Variants in TPSG1 observed in about 807,000 individuals in gnomAD.
TPSG1 encodes the protein tryptase gamma 1.
TPSG1 carries 43 observed loss-of-function variants against 23.8 expected under a neutral mutation model. The observed-to-expected ratio is 1.81, with a 90% CI of 1.42 to 2.33. The LOEUF (loss-of-function observed/expected upper bound fraction) is 2.33. Among genes scored for constraint, TPSG1 ranks in the 30% most tolerant of loss-of-function variants. TPSG1 has a pLI of 0.00. For synonymous variants in TPSG1, 302 were observed against 201.3 expected, an observed-to-expected ratio of 1.50 and a Z score of -4.23; for missense variants, 623 against 438.6, an observed-to-expected ratio of 1.42 and a Z score of -3.75.
chr16:1,223,996 A>T, intron 2 of TPSG1: 1 of 232,666 alleles, frequency 4.3e-6, no homozygotes, highest in Non-Finnish European at 8.2e-6. Flanking sequence ...GCTGGATAAA[A>T]TTCGGGGGGC....
intron 2 of TPSG1, 66 bp from the exon 3 acceptor site, chr16:1,223,660 A>G: frequency 6.7e-7 from 1 of 1,500,840 alleles, no homozygotes; most frequent in Non-Finnish European, 8.8e-7. Flanking sequence ...TCCTCCATGA[A>G]GCCTTCCCTG....
intron 1 of TPSG1, chr16:1,224,877 C>A: frequency 1.7e-6 from 1 of 602,394 alleles, no homozygotes; most frequent in Non-Finnish European, 3.0e-6. Flanking sequence ...CCTCCCCGCC[C>A]TCCAGGTCCT....
In TPSG1 at chr16:1,222,185, G is replaced by A. The variant is rs540570539; in HGVS notation, c.657+11C>T. The A allele has an allele frequency of 4.3e-6, 7 of 1,611,254 alleles. No homozygotes were observed. The South Asian group carries it at 7.7e-5, about 18-fold the overall frequency. ...CCGCCCCCATCCTCTGTCACGGCCT[G>A]GCAGGCTCACCTGGCAGGCATCCCC... On this transcript the variant is annotated intron_variant, in intron 5 of 5. Transcript: ENST00000234798.
At chr16:1,223,228 A>G (rs1206465984) in intron 3 of TPSG1, among the ~76,000 whole-genome samples, 195 bp downstream of exon 3, 4 of 152,238 alleles carry the variant, frequency 2.6e-5, no homozygotes, top group Non-Finnish European at 5.9e-5. Flanking sequence ...GGAGCTGTCC[A>G]TCCCTAGAGG....
Position 1,223,614 on chromosome 16 carries a change from G to A in TPSG1, c.74-20C>T. ...CACACCCTAAGTCGAAGGAGGAAGG[G>A]GTGCCTGGTGGGGATCCCAAGAAAC... is the stretch of plus-strand genomic sequence containing the variant. On this transcript the variant is annotated intron_variant, in intron 2 of 5. Coordinates refer to ENST00000234798, the MANE Select transcript of TPSG1 (RefSeq NM_012467.4). 1 of 1,529,120 alleles carries A rather than the reference G, an allele frequency of 6.5e-7. No homozygotes were observed. The highest frequency in any genetic ancestry group is 8.7e-7 in the Non-Finnish European group (1 of 1,142,994). 94.7% of individuals were successfully genotyped at this position (1,529,120 alleles called of 1,614,324 possible).
intron 2 of TPSG1, chr16:1,223,908 C>G: frequency 2.4e-6 from 1 of 417,590 alleles, no homozygotes; most frequent in Non-Finnish European, 4.2e-6. Flanking sequence ...CGGTGGAGCC[C>G]CCGAGAAGGC....
intron 2 of TPSG1, chr16:1,224,118 G>T (rs1015685283): frequency 2.1e-5 from 4 of 192,422 alleles, no homozygotes; most frequent in African/African-American, 9.5e-5. Flanking sequence ...AAATTAAGAG[G>T]AAGTCAGCTG....
chr16:1,222,607 G>C, intron 4 of TPSG1, 45 bp downstream of exon 4: 1 of 1,517,130 alleles, frequency 6.6e-7, no homozygotes, highest in Non-Finnish European at 8.8e-7. Flanking sequence ...TCTTCCTGCC[G>C]CCCTTGCCTT....
chr16:1,224,827 G>T (rs1164698061), intron 1 of TPSG1, 199 bp from the exon 2 acceptor site: 2 of 648,658 alleles, frequency 3.1e-6, no homozygotes, highest in African/African-American at 3.7e-5. Context: ...GGCCATAAAC[G>T]GCAGCTGGAG....
intron 3 of TPSG1, 131 bp downstream of exon 3, chr16:1,223,292 C>A: frequency 8.1e-7 from 1 of 1,228,692 alleles, no homozygotes; most frequent in Non-Finnish European, 1.1e-6. Flanking sequence ...TCCTCCCTTT[C>A]CATTGGAAGG....
chr16:1,225,031 C>T (rs1055447841), intron 1 of TPSG1, among the ~76,000 whole-genome samples, 176 bp downstream of exon 1: 4 of 152,148 alleles, frequency 2.6e-5, no homozygotes, highest in East Asian at 1.9e-4. Flanking sequence ...CTCCCCAGCA[C>T]GGACAGCTGG....
intron 4 of TPSG1, 70 bp downstream of exon 4, chr16:1,222,582 C>G (rs1970548308): frequency 6.6e-7 from 1 of 1,505,352 alleles, no homozygotes; most frequent in East Asian, 2.3e-5. Context: ...GCATCAGCAT[C>G]CCTCAAGCCA....
chr16:1,222,831 A>G lies in TPSG1; in HGVS notation c.332T>C (p.Ile111Thr), dbSNP rs1213394757. The change falls in exon 4 of 6, where the codon ATC becomes ACC. Residue 111 changes from isoleucine (I) to threonine (T), a missense_variant. Ile to Thr is a moderately conservative substitution (Grantham distance 89, BLOSUM62 -1). Transcript: ENST00000234798. Reference sequence around the variant, plus strand: ...CTGTCCTGAGGGGCTGGAGTGCAGGATGATCTGCCTCACGGTGGAGAAGTG... The same window carrying G: ...CTGTCCTGAGGGGCTGGAGTGCAGGGTGATCTGCCTCACGGTGGAGAAGTG... Reference protein sequence around the residue: ...SPHFSTVRQIILHSSPSGQPG... With the variant: ...SPHFSTVRQITLHSSPSGQPG... 2 of 1,611,800 alleles carry G rather than the reference A, an allele frequency of 1.2e-6. No homozygotes were observed. The highest frequency in any genetic ancestry group is 1.7e-6 in the Non-Finnish European group (2 of 1,179,652).
In TPSG1 at chr16:1,222,303, CT is replaced by C. The variant is rs1293364651; in HGVS notation, c.549del (p.Val184SerfsTer47). The C allele has an allele frequency of 9.3e-6, 15 of 1,610,272 alleles. No individual in the cohort carries two copies. The highest frequency in any genetic ancestry group is 1.7e-5 in the Admixed American group (1 of 59,890). On this transcript the variant is annotated frameshift_variant, in exon 5 of 6. Transcript: ENST00000234798. LOFTEE classifies it high-confidence loss of function. ...LPPPYSLREVKVSVVDTETCR... is the reference protein window; with the variant it reads ...LPPPYSLREVXVSVVDTETCR... ...CAGGTCTCTGTGTCCACCACGGAGA[CT>C]TTCACCTCCCGCAGGCTGTACGGGG...
rs141482232 is a variant in TPSG1, at chr16:1,222,875, C to G, written c.288G>C (p.Leu96=). 5.6e-6 allele frequency: 9 copies of G among 1,609,084 alleles called. No homozygotes were observed. The highest frequency in any genetic ancestry group is 7.6e-6 in the Non-Finnish European group (9 of 1,178,590). The change falls in exon 4 of 6, where the codon CTG becomes CTC. Residue 96 remains leucine (L), a synonymous_variant. Transcript: ENST00000234798. ...SSDYQVHLGE[L]EITLSPHFST... is the part of the protein sequence containing the mutation. Reference sequence around the variant, plus strand: ...AGAAGTGGGGAGACAGAGTGATCTCCAGTTCCCCCAGGTGCACCTGGTAGT... The same window carrying G: ...AGAAGTGGGGAGACAGAGTGATCTCGAGTTCCCCCAGGTGCACCTGGTAGT...
Position 1,221,872 on chromosome 16 carries a change from G to C in TPSG1, c.882C>G (p.Phe294Leu). The change falls in exon 6 of 6, where the codon TTC (phenylalanine) becomes TTG (leucine). Residue 294 changes from phenylalanine to leucine, a missense_variant. Physicochemically the swap from Phe to Leu is conservative, Grantham distance 22. Transcript: ENST00000234798. ...GCAGGACACAGGAGACTAGCAGAAG[G>C]AAGAGGCCGGGGAGGAAGAAGCCAG... ...LLAGFFLPGLFLLLVSCVLLA... is the reference protein window; with the variant it reads ...LLAGFFLPGLLLLLVSCVLLA... 6.2e-7 allele frequency: 1 copy of C among 1,612,042 alleles called. No individual in the cohort carries two copies. Among genetic ancestry groups the C allele is most frequent in the Non-Finnish European group, 8.5e-7 (1 of 1,179,584 alleles).
At chr16:1,223,623 T>G in intron 2 of TPSG1, 29 bp from the exon 3 acceptor site, 9 of 1,527,208 alleles carry the variant, frequency 5.9e-6, no homozygotes, top group Non-Finnish European at 7.9e-6. Flanking sequence ...GGGTGCCTGG[T>G]GGGGATCCCA....
In TPSG1 at chr16:1,221,863, T is replaced by C; in HGVS notation, c.891A>G (p.Leu297=). 6.2e-7 allele frequency: 1 copy of C among 1,611,954 alleles called. No individual in the cohort carries two copies. The highest frequency in any genetic ancestry group is 8.5e-7 in the Non-Finnish European group (1 of 1,179,520). ...ACTTGGCCAGCAGGACACAGGAGAC[T>C]AGCAGAAGGAAGAGGCCGGGGAGGA... The part of the protein sequence containing the change: ...GFFLPGLFLL[L]VSCVLLAKCL... Residue 297 remains leucine, a synonymous_variant, in exon 6 of 6, where the codon CTA becomes CTG. Coordinates refer to ENST00000234798, the MANE Select transcript of TPSG1 (RefSeq NM_012467.4).
At position 1,223,707 on chromosome 16, in the gene TPSG1, C is replaced by A. The variant is rs1183894102; in HGVS notation, c.74-113G>T. 3.1e-6 allele frequency: 4 copies of A among 1,289,318 alleles called. No homozygotes were observed. In the Middle Eastern group the frequency reaches 5.7e-4, roughly 184 times the overall value. The allele number at this position is 1,289,318 out of a possible 1,614,324, so 79.9% of individuals were successfully genotyped here. ...CTGCCTTCTTGGGGACTTTGCTCTT[C>A]AGCTCTCTCGTCTGCCAGACTCTCC... On this transcript the variant is annotated intron_variant, in intron 2 of 5. Coordinates refer to ENST00000234798, the MANE Select transcript of TPSG1 (RefSeq NM_012467.4).
Sources: gnomAD v4.1 joint callset for allele counts (sites outside exome capture counted in the v4.1 genomes callset) on GRCh38, gnomAD v4.1.1 for gene constraint, MANE v1.5 for transcripts, NCBI Gene and HGNC (gene_info 2026-07-23, HGNC 2026-07-21) for gene names.